Variants in ZNF322 observed in about 807,000 individuals in gnomAD.
ZNF322 encodes zinc finger protein 322.
In ZNF322, 1 loss-of-function variant was observed where a neutral mutation model predicts 18.3. The ratio of observed to expected loss-of-function variants is 0.05; its 90% CI spans 0.02 to 0.26. The LOEUF (loss-of-function observed/expected upper bound fraction) is 0.26, where lower values mean the gene tolerates loss of function less well. ZNF322 is among the 10% of genes least tolerant of loss of function. The pLI, the probability that ZNF322 is intolerant of heterozygous loss-of-function variation, is 1.00. For synonymous variants in ZNF322, 17 were observed against 130.7 expected (o/e 0.13, Z 5.93); for missense variants, 36 against 403.6 (o/e 0.09, Z 7.80).
At chr6:26,639,546 C>G (rs904733408) in intron 3 of ZNF322, among the ~76,000 whole-genome samples, 3 of 151,814 alleles carry the variant, frequency 2.0e-5, no homozygotes, top group African/African-American at 7.3e-5. Context: ...ACAGAAACAC[C>G]TAAAGGATCA....
intron 2 of ZNF322, among the ~76,000 whole-genome samples, chr6:26,657,788 G>A (rs998946152): frequency 4.6e-5 from 7 of 151,990 alleles, no homozygotes; most frequent in African/African-American, 1.7e-4. Context: ...CAGTAGCCCT[G>A]GCTGGTTCAT....
chr6:26,654,033 T>C (rs1289054046), intron 2 of ZNF322, among the ~76,000 whole-genome samples: 1 of 152,156 alleles, frequency 6.6e-6, no homozygotes, highest in Non-Finnish European at 1.5e-5. Flanking sequence ...CTCGAATCAG[T>C]ACAGATTTTC....
At position 26,638,191 on chromosome 6, in the gene ZNF322, A is replaced by G. The variant is rs782783940; in HGVS notation, c.363T>C (p.His121=). ...CACATGTATAGAATTTTTTACCTGC[A>G]TGTGTTCTCTGATGTCCTGAAAGCG... is the stretch of plus-strand genomic sequence containing the variant. ...HLALSGHQRT[H]AGKKFYTCDI... The change falls in exon 4 of 4, where the codon CAT becomes CAC. Residue 121 remains histidine (H), a synonymous_variant. Transcript: ENST00000415922. 1.2e-6 allele frequency: 2 copies of G among 1,613,802 alleles called. No homozygotes were observed. The highest frequency in any genetic ancestry group is 1.7e-5 in the Admixed American group (1 of 60,004).
intron 2 of ZNF322, among the ~76,000 whole-genome samples, chr6:26,645,128 G>GAA (rs11430350): frequency 5.4e-5 from 8 of 146,872 alleles, no homozygotes; most frequent in Non-Finnish European, 7.5e-5. Context: ...ACTTAAATAT[G>GAA]AAAAAAAAAA....
rs1004738535 is a variant in ZNF322 at position 26,656,687 on chromosome 6, T to C, written c.-246+1871A>G. Among the ~76,000 whole-genome samples the C allele has an allele frequency of 2.6e-5, 4 of 152,130 alleles. No homozygotes were observed. In the East Asian group the frequency reaches 7.8e-4, roughly 30 times the overall value. ...GGGGGTTCATAAAAGGTTTTGTCTT[T>C]TAAAATTTGTATTAGTGTTAAGCTC... On this transcript the variant is annotated intron_variant, in intron 2 of 3. Coordinates refer to ENST00000415922, the MANE Select transcript of ZNF322 (RefSeq NM_024639.5).
At position 26,634,696 on chromosome 6, in the gene ZNF322, T is replaced by G. The variant is rs1339711513; in HGVS notation, c.*2649A>C. 1.6e-5 allele frequency: 1 copy of G among 64,108 alleles called. No homozygotes were observed. Among genetic ancestry groups the G allele is most frequent in the African/African-American group, 6.4e-5 (1 of 15,512 alleles). 4.0% of individuals were successfully genotyped at this position (64,108 alleles called of 1,614,324 possible). On this transcript the variant is annotated 3_prime_UTR_variant, in exon 4 of 4. Coordinates refer to ENST00000415922, the MANE Select transcript of ZNF322 (RefSeq NM_024639.5). ...CCTTCAGCCTTGTTTCATACCCCCATAGTTCTCTGTTTGGGGGATGGTCCA... is the reference window on the plus strand; with the variant it reads ...CCTTCAGCCTTGTTTCATACCCCCAGAGTTCTCTGTTTGGGGGATGGTCCA...
At chr6:26,655,958 T>C (rs937044530) in intron 2 of ZNF322, among the ~76,000 whole-genome samples, 40 of 152,196 alleles carry the variant, frequency 2.6e-4, no homozygotes, top group African/African-American at 9.4e-4. Flanking sequence ...TATTCTGTTA[T>C]AGCAGCCCAA....
chr6:26,646,440 CA>C (rs1554148760), intron 2 of ZNF322, among the ~76,000 whole-genome samples: 1 of 151,964 alleles, frequency 6.6e-6, no homozygotes, highest in African/African-American at 2.4e-5. Flanking sequence ...GAGTTCAAGC[CA>C]AAAGAATTAA....
At chr6:26,650,420 A>G (rs1381034664) in intron 2 of ZNF322, 1 of 152,216 alleles carries the variant, frequency 6.6e-6, no homozygotes, top group African/African-American at 2.4e-5. Context: ...GCTTTTCAAC[A>G]TAATACTGGA....
At chr6:26,646,850 C>G (rs1765567831) in intron 2 of ZNF322, among the ~76,000 whole-genome samples, 1 of 151,954 alleles carries the variant, frequency 6.6e-6, no homozygotes, top group Non-Finnish European at 1.5e-5. Context: ...ATCAAGCGAC[C>G]AAAGGTCCTT....
At position 26,638,175 on chromosome 6, in the gene ZNF322, A is replaced by G; in HGVS notation, c.379T>C (p.Tyr127His). 1.9e-6 allele frequency: 3 copies of G among 1,613,646 alleles called. No individual in the cohort carries two copies. Among genetic ancestry groups the G allele is most frequent in the Non-Finnish European group, 2.5e-6 (3 of 1,179,742 alleles). ...TTCTTGCCACAAATGTCACATGTAT[A>G]GAATTTTTTACCTGCATGTGTTCTC... ...HQRTHAGKKF[Y>H]TCDICGKNFG... Residue 127 changes from tyrosine to histidine, a missense_variant, in exon 4 of 4, where the codon TAT (tyrosine) becomes CAT (histidine). By Grantham distance (83) the Tyr-to-His change is moderately conservative. Transcript: ENST00000415922.
chr6:26,658,167 C>T (rs996585287), intron 2 of ZNF322, among the ~76,000 whole-genome samples: 21 of 152,060 alleles, frequency 1.4e-4, no homozygotes, highest in Admixed American at 5.2e-4. Context: ...GTGTTTGGAT[C>T]TTATAGATGG....
intron 3 of ZNF322, 37 bp from the exon 4 acceptor site, chr6:26,638,765 T>G (rs1554148067): frequency 1.3e-6 from 1 of 769,446 alleles, no homozygotes; most frequent in African/African-American, 1.8e-5. Flanking sequence ...TATATTCCTA[T>G]GACTAAGAAA....
rs536930958 is a variant in ZNF322 at position 26,657,064 on chromosome 6, C to G, written c.-246+1494G>C. On this transcript the variant is annotated intron_variant, in intron 2 of 3. Coordinates refer to ENST00000415922, the MANE Select transcript of ZNF322 (RefSeq NM_024639.5). ...GAGATTGAGACCATCCTGGCTAACA[C>G]GGTGAAACCCCGTCTCTGCTAAAAA... 3.9e-5 allele frequency among the ~76,000 whole-genome samples: 6 copies of G among 152,200 alleles called. No individual in the cohort carries two copies. In the South Asian group the frequency reaches 8.3e-4, roughly 21 times the overall value.
intron 2 of ZNF322, among the ~76,000 whole-genome samples, chr6:26,646,762 T>C (rs868953696): frequency 2.0e-5 from 3 of 152,108 alleles, no homozygotes; most frequent in Non-Finnish European, 4.4e-5. Context: ...TCATATATTA[T>C]GTAATAAAGG....
At chr6:26,654,774 A>ATC (rs1765734674) in intron 2 of ZNF322, among the ~76,000 whole-genome samples, 1 of 152,180 alleles carries the variant, frequency 6.6e-6, no homozygotes, top group Admixed American at 6.5e-5. Flanking sequence ...AATCTACTGG[A>ATC]TGAAAAATTT....
At chr6:26,656,159 A>G (rs1349538303) in intron 2 of ZNF322, among the ~76,000 whole-genome samples, 1 of 152,204 alleles carries the variant, frequency 6.6e-6, no homozygotes, top group African/African-American at 2.4e-5. Context: ...CATGGTGGCT[A>G]AAGATTGGTT....
intron 2 of ZNF322, among the ~76,000 whole-genome samples, chr6:26,650,249 C>A (rs1358142317): frequency 1.1e-4 from 16 of 151,954 alleles, no homozygotes; most frequent in African/African-American, 3.9e-4. Flanking sequence ...TAGAGAAATG[C>A]AAATTAAAAT....
At chr6:26,650,116 A>C (rs1307801416) in intron 2 of ZNF322, among the ~76,000 whole-genome samples, 2 of 152,176 alleles carry the variant, frequency 1.3e-5, no homozygotes, top group Non-Finnish European at 2.9e-5. Context: ...ATATATAAAG[A>C]TCTCTTAAAA....
Sources: allele counts gnomAD v4.1 joint callset (sites outside exome capture counted in the v4.1 genomes callset), GRCh38; gene constraint gnomAD v4.1.1; transcripts MANE v1.5; gene names NCBI Gene and HGNC (gene_info 2026-07-23, HGNC 2026-07-21).